CHML: variants seen among roughly 807,000 people sequenced by gnomAD.
CHML encodes rab proteins geranylgeranyltransferase component A 2.
A neutral mutation model predicts 30.4 loss-of-function variants in CHML; 20 were observed. That is an observed-to-expected ratio of 0.66 (90% confidence interval 0.46 to 0.95). The LOEUF (loss-of-function observed/expected upper bound fraction) is 0.95. CHML is among the 40% of genes least tolerant of loss of function. The pLI is 0.00. For synonymous variants in CHML, 281 were observed against 275.0 expected (o/e 1.02, Z -0.22); for missense variants, 795 against 768.5 (o/e 1.03, Z -0.41).
rs779959593 is a variant in CHML, at chr1:241,634,299, G to A, written c.1468C>T (p.Arg490Trp). ...PPAEPGACAV[R>W]VTELCSSTMT... Reference sequence around the variant, plus strand: ...GTTGAAGAACATAATTCTGTGACCCGTACAGCACAAGCTCCTGGCTCTGCT... The same window carrying A: ...GTTGAAGAACATAATTCTGTGACCCATACAGCACAAGCTCCTGGCTCTGCT... Residue 490 changes from arginine (R) to tryptophan (W), a missense_variant, in exon 2 of 2, where the codon CGG becomes TGG. By Grantham distance (101) the Arg-to-Trp change is moderately radical (BLOSUM62 -3). Coordinates refer to ENST00000366553, the MANE Select transcript of CHML (RefSeq NM_001381853.1). 7 of 1,613,864 alleles carry A rather than the reference G, an allele frequency of 4.3e-6. No homozygotes were observed. The highest frequency in any genetic ancestry group is 1.1e-5 in the South Asian group (1 of 91,078).
At chr1:241,637,429 G>T (rs1441861855) in intron 1 of CHML, among the ~76,000 whole-genome samples, 1 of 152,172 alleles carries the variant, frequency 6.6e-6, no homozygotes. Context: ...ACAGAATGCA[G>T]CAGTTGCCTG....
chr1:241,631,489 T>G lies in CHML; in HGVS notation c.*2307A>C, dbSNP rs1483891028. On this transcript the variant is annotated 3_prime_UTR_variant, in exon 2 of 2. Coordinates refer to ENST00000366553, the MANE Select transcript of CHML (RefSeq NM_001381853.1). ...TTAGATTTAAACTTTAGGATAAAGT[T>G]TAAATATGACTTTTACTATATTTTT... 6.6e-6 allele frequency: 1 copy of G among 152,168 alleles called. No homozygotes were observed. Among genetic ancestry groups the G allele is most frequent in the African/African-American group, 2.4e-5 (1 of 41,458 alleles). 9.4% of individuals were successfully genotyped at this position (152,168 alleles called of 1,614,324 possible).
In CHML at chr1:241,635,575, T is replaced by C. The variant is rs1425521641; in HGVS notation, c.192A>G (p.Gln64=). 6 of 1,614,006 alleles carry C rather than the reference T, an allele frequency of 3.7e-6. No homozygotes were observed. In the African/African-American group the frequency reaches 4.0e-5, roughly 11 times the overall value. ...GLLSWLKEYQ[Q]NNDIGEESTV... ...TACTTTCTTCCCCAATGTCATTGTT[T>C]TGCTGATACTCCTTCAACCAGGATA... Residue 64 remains glutamine, a synonymous_variant, in exon 2 of 2, where the codon CAA becomes CAG. Transcript: ENST00000366553.
chr1:241,633,713 C>T lies in CHML; in HGVS notation c.*83G>A. On this transcript the variant is annotated 3_prime_UTR_variant, in exon 2 of 2. Coordinates refer to ENST00000366553, the MANE Select transcript of CHML (RefSeq NM_001381853.1). ...CATCATATATAACCACTTCTAATTACTCATATGGGAAACTGTCCTTTAAAT... is the reference window on the plus strand; with the variant it reads ...CATCATATATAACCACTTCTAATTATTCATATGGGAAACTGTCCTTTAAAT... 2 of 1,422,280 alleles carry T rather than the reference C, an allele frequency of 1.4e-6. No homozygotes were observed. Among genetic ancestry groups the T allele is most frequent in the Non-Finnish European group, 1.9e-6 (2 of 1,029,872 alleles). 88.1% of individuals were successfully genotyped at this position (1,422,280 alleles called of 1,614,324 possible).
Position 241,633,594 on chromosome 1 carries a change from A to C in CHML, c.*202T>G. 6.5e-6 allele frequency: 4 copies of C among 615,020 alleles called. No homozygotes were observed. The highest frequency in any genetic ancestry group is 4.1e-5 in the South Asian group (2 of 48,654). The allele number at this position is 615,020 out of a possible 1,614,324, so 38.1% of individuals were successfully genotyped here. On this transcript the variant is annotated 3_prime_UTR_variant, in exon 2 of 2. Coordinates refer to ENST00000366553, the MANE Select transcript of CHML (RefSeq NM_001381853.1). ...GGGTCATATAGCCCATTCTAAACAA[A>C]ATGTTCAATAATCAATAAATCACTC...
Position 241,631,624 on chromosome 1 carries a change from G to C in CHML, c.*2172C>G, listed in dbSNP as rs575466991. 6.6e-6 allele frequency: 1 copy of C among 152,008 alleles called. No individual in the cohort carries two copies. The highest frequency in any genetic ancestry group is 6.6e-5 in the Admixed American group (1 of 15,258). 9.4% of individuals were successfully genotyped at this position (152,008 alleles called of 1,614,324 possible). A position where few individuals can be genotyped will look rare whatever the true frequency, so the allele number is the denominator to read the frequency against. On this transcript the variant is annotated 3_prime_UTR_variant, in exon 2 of 2. Transcript: ENST00000366553. ...AGAGGAGCAAAAATTAGTGTATTCC[G>C]AACAAATTTTGGCCTGATAATATTT...
At position 241,634,136 on chromosome 1, in the gene CHML, G is replaced by A; in HGVS notation, c.1631C>T (p.Thr544Ile). The change falls in exon 2 of 2, where the codon ACA (threonine) becomes ATA (isoleucine). Residue 544 changes from threonine to isoleucine, a missense_variant. By Grantham distance (89) the Thr-to-Ile change is moderately conservative (BLOSUM62 -1). Transcript: ENST00000366553. ...TETEINEEEL[T>I]KPRLLWALYF... is the part of the protein sequence containing the mutation. ...AAGAGCCCACAAGAGTCTTGGCTTTGTAAGTTCTTCCTCGTTTATTTCTGT... is the reference window on the plus strand; with the variant it reads ...AAGAGCCCACAAGAGTCTTGGCTTTATAAGTTCTTCCTCGTTTATTTCTGT... 1.2e-6 allele frequency: 2 copies of A among 1,613,056 alleles called. No homozygotes were observed. Among genetic ancestry groups the A allele is most frequent in the Non-Finnish European group, 1.7e-6 (2 of 1,179,680 alleles).
In CHML at chr1:241,634,332, C is replaced by T. The variant is rs773726766; in HGVS notation, c.1435G>A (p.Val479Ile). 1.9e-6 allele frequency: 3 copies of T among 1,613,968 alleles called. No homozygotes were observed. The highest frequency in any genetic ancestry group is 1.1e-5 in the South Asian group (1 of 91,078). ...CAAGCTCCTGGCTCTGCTGGAGGAA[C>T]TATCAGAATGGAAGTCTGCTGATCT... ...DLDQQTSILI[V>I]PPAEPGACAV... The change falls in exon 2 of 2, where the codon GTT becomes ATT. Residue 479 changes from valine to isoleucine, a missense_variant. Coordinates refer to ENST00000366553, the MANE Select transcript of CHML (RefSeq NM_001381853.1).
At position 241,633,936 on chromosome 1, in the gene CHML, G is replaced by C. The variant is rs1437275556; in HGVS notation, c.1831C>G (p.Pro611Ala). Residue 611 changes from proline (P) to alanine (A), a missense_variant, in exon 2 of 2, where the codon CCA (proline) becomes GCA (alanine). Coordinates refer to ENST00000366553, the MANE Select transcript of CHML (RefSeq NM_001381853.1). Reference sequence around the variant, plus strand: ...TCAAAGATAATGTCTTCTGGATTTGGAGGTGGAGGGCAGAATTCTTCAGTT... The same window carrying C: ...TCAAAGATAATGTCTTCTGGATTTGCAGGTGGAGGGCAGAATTCTTCAGTT... ...FPTEEFCPPP[P>A]NPEDIIFDGD... 6.2e-7 allele frequency: 1 copy of C among 1,613,764 alleles called. No homozygotes were observed. Among genetic ancestry groups the C allele is most frequent in the African/African-American group, 1.3e-5 (1 of 74,896 alleles).
rs762492317 is a variant in CHML, at chr1:241,634,740, T to C, written c.1027A>G (p.Ile343Val). 2.1e-5 allele frequency: 34 copies of C among 1,614,008 alleles called. No homozygotes were observed. Among genetic ancestry groups the C allele is most frequent in the Non-Finnish European group, 2.9e-5 (34 of 1,179,888 alleles). Residue 343 changes from isoleucine (I) to valine (V), a missense_variant, in exon 2 of 2, where the codon ATT (isoleucine) becomes GTT (valine). Coordinates refer to ENST00000366553, the MANE Select transcript of CHML (RefSeq NM_001381853.1). ...CAAGATGATTCTGATGTCATTGCAA[T>C]TGAGTGCAGTACAAAATGTTGAAGG... is the stretch of plus-strand genomic sequence containing the variant. ...PNLQHFVLHS[I>V]AMTSESSCTT...
At position 241,629,995 on chromosome 1, in the gene CHML, C is replaced by G. The variant is rs1376301922; in HGVS notation, c.*3801G>C. 1 of 152,042 alleles carries G rather than the reference C, an allele frequency of 6.6e-6. No individual in the cohort carries two copies. The highest frequency in any genetic ancestry group is 1.5e-5 in the Non-Finnish European group (1 of 67,930). 9.4% of individuals were successfully genotyped at this position (152,042 alleles called of 1,614,324 possible). A position where few individuals can be genotyped will look rare whatever the true frequency, so the allele number is the denominator to read the frequency against. On this transcript the variant is annotated 3_prime_UTR_variant, in exon 2 of 2. Coordinates refer to ENST00000366553, the MANE Select transcript of CHML (RefSeq NM_001381853.1). ...TTTATTACAATTATGCCATATTCCACACAGCAACCAGTTGGAATGTTAAAT... is the reference window on the plus strand; with the variant it reads ...TTTATTACAATTATGCCATATTCCAGACAGCAACCAGTTGGAATGTTAAAT...
In CHML at chr1:241,635,594, C is replaced by A. The variant is rs772981526; in HGVS notation, c.173G>T (p.Trp58Leu). ...ATTGTTTTGCTGATACTCCTTCAAC[C>A]AGGATAGCAATCCTGAAAAGCTGAA... ...ASFSFSGLLS[W>L]LKEYQQNNDI... Residue 58 changes from tryptophan to leucine, a missense_variant, in exon 2 of 2, where the codon TGG (tryptophan) becomes TTG (leucine). Transcript: ENST00000366553. 6.2e-7 allele frequency: 1 copy of A among 1,614,100 alleles called. No individual in the cohort carries two copies. Among genetic ancestry groups the A allele is most frequent in the Non-Finnish European group, 8.5e-7 (1 of 1,179,954 alleles).
chr1:241,634,746 G>T lies in CHML; in HGVS notation c.1021C>A (p.His341Asn). 6.2e-7 allele frequency: 1 copy of T among 1,613,950 alleles called. No homozygotes were observed. The highest frequency in any genetic ancestry group is 8.5e-7 in the Non-Finnish European group (1 of 1,179,882). ...LTPNLQHFVL[H>N]SIAMTSESSC... The stretch of plus-strand genomic sequence containing the variant: ...GATTCTGATGTCATTGCAATTGAGT[G>T]CAGTACAAAATGTTGAAGGTTGGGA... The change falls in exon 2 of 2, where the codon CAC becomes AAC. Residue 341 changes from histidine (H) to asparagine (N), a missense_variant. Physicochemically the swap from His to Asn is moderately conservative, Grantham distance 68. Transcript: ENST00000366553.
At chr1:241,637,072 T>C (rs894574862) in intron 1 of CHML, among the ~76,000 whole-genome samples, 19 of 152,320 alleles carry the variant, frequency 1.2e-4, no homozygotes, top group Middle Eastern at 3.4e-3. Context: ...AAGGCCAAGG[T>C]GCTGAAGAGC....
rs556511809 is a variant in CHML at position 241,631,050 on chromosome 1, T to C, written c.*2746A>G. 6.6e-6 allele frequency: 1 copy of C among 152,122 alleles called. No homozygotes were observed. The highest frequency in any genetic ancestry group is 1.9e-4 in the East Asian group (1 of 5,182). 9.4% of individuals were successfully genotyped at this position (152,122 alleles called of 1,614,324 possible). On this transcript the variant is annotated 3_prime_UTR_variant, in exon 2 of 2. Coordinates refer to ENST00000366553, the MANE Select transcript of CHML (RefSeq NM_001381853.1). ...GAAGCATACTGTCCTTCATGATACATGGATAGACATTATTTAAACATTTGA... is the reference window on the plus strand; with the variant it reads ...GAAGCATACTGTCCTTCATGATACACGGATAGACATTATTTAAACATTTGA...
chr1:241,639,654 G>C (rs1343285536), intron 1 of CHML, among the ~76,000 whole-genome samples: 2 of 151,170 alleles, frequency 1.3e-5, no homozygotes, highest in African/African-American at 2.4e-5. Context: ...TGGAGTCCTG[G>C]ACAGCGTGGG....
Position 241,635,728 on chromosome 1 carries a change from T to G in CHML, c.39A>C (p.Ile13=). The change falls in exon 2 of 2, where the codon ATA becomes ATC. Residue 13 remains isoleucine (I), a synonymous_variant. Transcript: ENST00000366553. The stretch of plus-strand genomic sequence containing the variant: ...TGGATTCGGGCAAACCTGTCCCTAT[T>G]ATAACCACATCAAACTCTGTGGGAA... ...DNLPTEFDVV[I]IGTGLPESIL... 1 of 1,613,698 alleles carries G rather than the reference T, an allele frequency of 6.2e-7. No individual in the cohort carries two copies. Among genetic ancestry groups the G allele is most frequent in the Non-Finnish European group, 8.5e-7 (1 of 1,179,734 alleles).
chr1:241,639,731 C>T, intron 1 of CHML, 151 bp downstream of exon 1: 2 of 754,274 alleles, frequency 2.7e-6, no homozygotes, highest in South Asian at 4.9e-5. Context: ...GTTGAGGAGG[C>T]GAGCGGGGAG....
In CHML at chr1:241,634,194, C is replaced by T; in HGVS notation, c.1573G>A (p.Val525Met). The change falls in exon 2 of 2, where the codon GTG becomes ATG. Residue 525 changes from valine (V) to methionine (M), a missense_variant. Transcript: ENST00000366553. ...TACGGAGTGAATAATTTCTTCACCA[C>T]TGATTCTAAGTCTTCTCTTGCTGTT... ...SKTAREDLES[V>M]VKKLFTPYTE... The T allele has an allele frequency of 2.5e-6, 4 of 1,613,974 alleles. No individual in the cohort carries two copies. The highest frequency in any genetic ancestry group is 1.7e-5 in the Admixed American group (1 of 59,998).
Sources: gnomAD v4.1 joint callset for allele counts (sites outside exome capture counted in the v4.1 genomes callset) on GRCh38, gnomAD v4.1.1 for gene constraint, MANE v1.5 for transcripts, NCBI Gene and HGNC (gene_info 2026-07-23, HGNC 2026-07-21) for gene names.